Variants in NBAS observed in about 807,000 individuals in gnomAD.
NBAS encodes the protein NBAS subunit of NRZ tethering complex.
A neutral mutation model predicts 302.5 loss-of-function variants in NBAS; 219 were observed. That is an observed-to-expected ratio of 0.72 (90% CI 0.65 to 0.81). The LOEUF (loss-of-function observed/expected upper bound fraction) is 0.81, where lower values mean the gene tolerates loss of function less well. Among genes scored for constraint, NBAS ranks in the 30% least tolerant of loss-of-function variants. The pLI is 0.00. For missense variants in NBAS, 2,932 were observed against 2,841.6 expected, an observed-to-expected ratio of 1.03 and a Z score of -0.72; for synonymous variants, 1,118 against 1,021.6, an observed-to-expected ratio of 1.09 and a Z score of -1.80.
the NBAS span, among the ~76,000 whole-genome samples, chr2:15,090,939 C>T: frequency 6.6e-6 from 1 of 152,160 alleles, no homozygotes; most frequent in Non-Finnish European, 1.5e-5. Flanking sequence ...CTGAGAGGTC[C>T]TGAACGCCGA....
intron 47 of NBAS, among the ~76,000 whole-genome samples, chr2:15,222,861 C>G (rs191249766): frequency 1.1e-3 from 165 of 152,278 alleles, no homozygotes; most frequent in African/African-American, 3.6e-3. Flanking sequence ...GATTATCACT[C>G]TAATATTTTT....
At chr2:15,230,393 CAAAA>C (rs35319491) in intron 47 of NBAS, among the ~76,000 whole-genome samples, 37 of 90,504 alleles carry the variant, frequency 4.1e-4, no homozygotes, top group African/African-American at 1.2e-3. Flanking sequence ...ATTTTTTAGG[CAAAA>C]AAAAAAAAAA....
the NBAS span, among the ~76,000 whole-genome samples, chr2:15,059,133 C>T: frequency 1.3e-5 from 2 of 152,160 alleles, no homozygotes; most frequent in Non-Finnish European, 2.9e-5. Context: ...GAGATCAATG[C>T]AGATTTCACT....
chr2:15,033,969 A>G, the NBAS span, among the ~76,000 whole-genome samples: 11 of 144,936 alleles, frequency 7.6e-5, no homozygotes, highest in South Asian at 2.7e-3. Flanking sequence ...GAAGAAGAGG[A>G]AGAAAAGAGG....
intron 35 of NBAS, among the ~76,000 whole-genome samples, chr2:15,351,279 A>G: frequency 6.6e-6 from 1 of 152,208 alleles, no homozygotes; most frequent in East Asian, 1.9e-4. Flanking sequence ...TATGTATGGT[A>G]CGTATCGACA....
At chr2:15,328,382 G>A (rs551975656) in intron 36 of NBAS, 70 bp from the exon 37 acceptor site, 1 of 1,316,914 alleles carries the variant, frequency 7.6e-7, no homozygotes, top group African/African-American at 1.5e-5. Flanking sequence ...AGAAGTAAAA[G>A]CAAGGAAAGA....
chr2:14,782,921 A>G, the NBAS span, among the ~76,000 whole-genome samples: 2 of 152,298 alleles, frequency 1.3e-5, no homozygotes, highest in South Asian at 4.1e-4. Context: ...ATACATGGAC[A>G]CATAGAGGGG....
the NBAS span, among the ~76,000 whole-genome samples, chr2:15,010,442 CT>C: frequency 6.6e-6 from 1 of 152,104 alleles, no homozygotes; most frequent in East Asian, 1.9e-4. Context: ...GCAGGGAACC[CT>C]CCCACCCCCC....
At position 15,325,246 on chromosome 2, in the gene NBAS, A is replaced by T. The variant is rs545092786; in HGVS notation, c.4582+2504T>A. On this transcript the variant is annotated intron_variant, in intron 38 of 51. Transcript: ENST00000281513. ...TGCAATAAAGCAAATATTGCAATAA[A>T]CTGTATCACACAAATTATTCGGTTT... 5.3e-4 allele frequency among the ~76,000 whole-genome samples: 80 copies of T among 152,284 alleles called. 1 individual carries two copies. The highest frequency in any genetic ancestry group is 5.2e-3 in the South Asian group (25 of 4,818).
In NBAS at chr2:15,328,331, C is replaced by G. The variant is rs1472078002; in HGVS notation, c.4348-19G>C. ...TTTGCCCCTAAAAAGAAAAAAAGTA[C>G]AGAACAATGGATAAAAAGAAAGAGA... On this transcript the variant is annotated intron_variant, in intron 36 of 51. Transcript: ENST00000281513. 6 of 1,581,004 alleles carry G rather than the reference C, an allele frequency of 3.8e-6. No individual in the cohort carries two copies. The South Asian group carries it at 6.6e-5, about 17-fold the overall frequency.
chr2:14,906,772 C>A, the NBAS span, among the ~76,000 whole-genome samples: 10 of 152,186 alleles, frequency 6.6e-5, no homozygotes, highest in Admixed American at 1.3e-4. Flanking sequence ...CAAGCTCAGT[C>A]CTCAACGTGG....
chr2:15,484,051 T>C (rs1243908907), intron 12 of NBAS, among the ~76,000 whole-genome samples: 3 of 152,276 alleles, frequency 2.0e-5, no homozygotes, highest in Middle Eastern at 3.4e-3. Context: ...TCTCAGTATT[T>C]TTCAAAGCTT....
In NBAS at chr2:15,315,559, T is replaced by C. The variant is rs574291759; in HGVS notation, c.4583-6312A>G. Among the ~76,000 whole-genome samples, 29 of 152,352 alleles carry C rather than the reference T, an allele frequency of 1.9e-4. No homozygotes were observed. In the South Asian group the frequency reaches 3.5e-3, roughly 18 times the overall value. On this transcript the variant is annotated intron_variant, in intron 38 of 51. Transcript: ENST00000281513. ...AAGACACTTCTGGACAAGTTATATA[T>C]GCCTGGTCTCCAGCACTGCACTCAG...
At chr2:14,967,230 G>A in the NBAS span, among the ~76,000 whole-genome samples, 2 of 152,094 alleles carry the variant, frequency 1.3e-5, no homozygotes, top group Non-Finnish European at 2.9e-5. Context: ...TCCCCAAACT[G>A]ATATATAGAT....
the NBAS span, among the ~76,000 whole-genome samples, chr2:15,090,096 C>G: frequency 6.6e-6 from 1 of 152,164 alleles, no homozygotes; most frequent in East Asian, 1.9e-4. Context: ...AGATAGGACT[C>G]TGAATTGTTC....
chr2:14,825,017 T>C, the NBAS span, among the ~76,000 whole-genome samples: 1 of 152,180 alleles, frequency 6.6e-6, no homozygotes, highest in East Asian at 1.9e-4. Flanking sequence ...TTCATGTATT[T>C]CCACATAAAG....
Position 15,392,018 on chromosome 2 carries a change from C to T in NBAS, c.3257+2209G>A, listed in dbSNP as rs576639478. 1.2e-4 allele frequency among the ~76,000 whole-genome samples: 11 copies of T among 91,068 alleles called. 1 individual carries two copies. In the South Asian group the frequency reaches 1.9e-3, roughly 16 times the overall value. 59.7% of individuals were successfully genotyped at this position (91,068 alleles called of 152,430 possible). On this transcript the variant is annotated intron_variant, in intron 28 of 51. Transcript: ENST00000281513. ...CAAATGAATCACTGGCATCCTAGCA[C>T]TACCAAAAAAAAAATTAAAAGAAGC... is the stretch of plus-strand genomic sequence containing the variant.
intron 29 of NBAS, 45 bp downstream of exon 29, chr2:15,383,170 A>C (rs1421791701): frequency 6.9e-7 from 1 of 1,440,506 alleles, no homozygotes; most frequent in Non-Finnish European, 9.6e-7. Flanking sequence ...CATAACAATT[A>C]AAATTGTTAA....
At chr2:15,079,234 C>A in the NBAS span, among the ~76,000 whole-genome samples, 172 of 152,124 alleles carry the variant, frequency 1.1e-3, 1 homozygote, top group Admixed American at 4.4e-3. Flanking sequence ...GAAATTTCAT[C>A]CCAGACTGGG....
Sources: gnomAD v4.1 joint callset for allele counts (sites outside exome capture counted in the v4.1 genomes callset) on GRCh38, gnomAD v4.1.1 for gene constraint, MANE v1.5 for transcripts, NCBI Gene and HGNC (gene_info 2026-07-23, HGNC 2026-07-21) for gene names.